The following ZFHX3 variants were observed in gnomAD, a reference collection of about 807,000 sequenced individuals.
ZFHX3 encodes zinc finger homeobox protein 3.
Under a neutral mutation model 279.1 loss-of-function variants are expected in ZFHX3, and 42 were observed. The ratio of observed to expected loss-of-function variants is 0.15; its 90% CI spans 0.12 to 0.19. The LOEUF is 0.19. Ranked by LOEUF, ZFHX3 falls within the 10% of genes least tolerant of loss-of-function variation. The pLI is 1.00. For missense variants in ZFHX3, 4,981 were observed against 4,754.0 expected, an observed-to-expected ratio of 1.05 and a Z score of -1.40; for synonymous variants, 2,293 against 1,957.8, an observed-to-expected ratio of 1.17 and a Z score of -4.52.
At chr16:73,634,821 G>T (rs756974940) in intron 2 of ZFHX3, among the ~76,000 whole-genome samples, 4 of 152,056 alleles carry the variant, frequency 2.6e-5, no homozygotes, top group Non-Finnish European at 5.9e-5. Context: ...CTTCTCCTTC[G>T]TAAAATCTTG....
intron 2 of ZFHX3, among the ~76,000 whole-genome samples, chr16:73,654,424 C>G (rs904794561): frequency 6.6e-6 from 1 of 151,940 alleles, no homozygotes; most frequent in Non-Finnish European, 1.5e-5. Flanking sequence ...AAATTAACCC[C>G]CAAAATAGAA....
chr16:72,801,592 T>C (rs1213184422), intron 7 of ZFHX3, among the ~76,000 whole-genome samples: 2 of 152,026 alleles, frequency 1.3e-5, no homozygotes, highest in Admixed American at 6.6e-5. Context: ...ACAGGTACCA[T>C]GGAGAAGCAT....
intron 2 of ZFHX3, among the ~76,000 whole-genome samples, chr16:73,537,209 G>A (rs1192430107): frequency 1.3e-5 from 2 of 151,484 alleles, no homozygotes; most frequent in Non-Finnish European, 2.9e-5. Context: ...ATGGCTCAGA[G>A]TTCAGCATCA....
intron 1 of ZFHX3, among the ~76,000 whole-genome samples, chr16:73,720,175 C>T (rs1012362686): frequency 3.3e-5 from 5 of 152,152 alleles, no homozygotes; most frequent in African/African-American, 9.7e-5. Context: ...CATTATTTAA[C>T]GACAATCTCT....
At chr16:73,498,684 A>G (rs2019183100) in intron 2 of ZFHX3, among the ~76,000 whole-genome samples, 1 of 152,172 alleles carries the variant, frequency 6.6e-6, no homozygotes, top group Non-Finnish European at 1.5e-5. Flanking sequence ...GGCTGGGGTA[A>G]AGGGAGCAGG....
intron 1 of ZFHX3, among the ~76,000 whole-genome samples, chr16:72,996,682 C>A (rs1963307225): frequency 6.6e-6 from 1 of 152,238 alleles, no homozygotes; most frequent in Non-Finnish European, 1.5e-5. Context: ...AGGCCCTGCC[C>A]TGAGTGCAAT....
chr16:73,323,252 G>A (rs2015616929), intron 3 of ZFHX3, among the ~76,000 whole-genome samples: 2 of 152,150 alleles, frequency 1.3e-5, no homozygotes. Context: ...AACAGTACAG[G>A]AAAAGGTGCA....
chr16:73,184,609 C>G (rs61096508), intron 5 of ZFHX3, among the ~76,000 whole-genome samples: 2 of 152,032 alleles, frequency 1.3e-5, no homozygotes, highest in African/African-American at 2.4e-5. Flanking sequence ...AAAAACCTTC[C>G]TAGGGACACT....
At chr16:72,853,083 CTGTT>C (rs906664642) in intron 4 of ZFHX3, among the ~76,000 whole-genome samples, 2 of 152,230 alleles carry the variant, frequency 1.3e-5, no homozygotes, top group South Asian at 2.1e-4. Context: ...CTCTTTGACT[CTGTT>C]TGCTCACCTG....
intron 4 of ZFHX3, among the ~76,000 whole-genome samples, chr16:72,856,677 G>A (rs2037763170): frequency 6.6e-6 from 1 of 152,160 alleles, no homozygotes; most frequent in Non-Finnish European, 1.5e-5. Context: ...CTCCTCTGTG[G>A]CTCCCAGCAA....
At chr16:73,151,347 A>G (rs1020231519) in intron 5 of ZFHX3, among the ~76,000 whole-genome samples, 3 of 152,148 alleles carry the variant, frequency 2.0e-5, no homozygotes, top group African/African-American at 7.2e-5. Context: ...CAGAGGGGAA[A>G]GGAAGGTGTG....
At chr16:73,206,057 G>A (rs181336386) in intron 5 of ZFHX3, among the ~76,000 whole-genome samples, 35 of 152,256 alleles carry the variant, frequency 2.3e-4, no homozygotes, top group Admixed American at 1.8e-3. Context: ...ATATTCTGCC[G>A]TGCTTATGTA....
intron 4 of ZFHX3, among the ~76,000 whole-genome samples, chr16:73,286,254 C>T (rs1301405922): frequency 1.3e-5 from 2 of 152,122 alleles, no homozygotes; most frequent in African/African-American, 2.4e-5. Flanking sequence ...AATGGAACAA[C>T]GGCCCCAGAG....
chr16:73,506,772 G>A (rs571702517), intron 2 of ZFHX3, among the ~76,000 whole-genome samples: 1 of 152,286 alleles, frequency 6.6e-6, no homozygotes, highest in Admixed American at 6.5e-5. Context: ...GGTCCCAGCA[G>A]ATGACAGGAG....
At chr16:73,857,993 G>A (rs1306285224) in intron 1 of ZFHX3, among the ~76,000 whole-genome samples, 4 of 151,994 alleles carry the variant, frequency 2.6e-5, no homozygotes, top group Admixed American at 6.6e-5. Flanking sequence ...CTACTCGGGA[G>A]GCTGAGGCAG....
chr16:73,211,380 G>T (rs565144704), intron 5 of ZFHX3, among the ~76,000 whole-genome samples: 2 of 152,252 alleles, frequency 1.3e-5, no homozygotes, highest in Non-Finnish European at 2.9e-5. Flanking sequence ...GAGGTTATAT[G>T]CTTAGTTTTG....
chr16:73,877,011 G>A (rs2029970476), intron 1 of ZFHX3, among the ~76,000 whole-genome samples: 1 of 151,192 alleles, frequency 6.6e-6, no homozygotes, highest in South Asian at 2.1e-4. Context: ...TACGAGCCCT[G>A]GTAACTTTAT....
At chr16:73,724,596 G>A (rs989803587) in intron 1 of ZFHX3, among the ~76,000 whole-genome samples, 4 of 152,122 alleles carry the variant, frequency 2.6e-5, no homozygotes, top group East Asian at 1.9e-4. Flanking sequence ...AGAAACACAC[G>A]AATAGCCTGT....
chr16:73,426,662 G>GA (rs981730972), intron 3 of ZFHX3, among the ~76,000 whole-genome samples: 10 of 150,676 alleles, frequency 6.6e-5, no homozygotes, highest in East Asian at 3.9e-4. Context: ...AGGTTTGCAG[G>GA]AAAAAAAAAT....
Sources: allele counts gnomAD v4.1 joint callset (sites outside exome capture counted in the v4.1 genomes callset), GRCh38; gene constraint gnomAD v4.1.1; transcripts MANE v1.5; gene names NCBI Gene and HGNC (gene_info 2026-07-23, HGNC 2026-07-21).